The following PPFIA1 variants were observed in gnomAD, a reference collection of about 807,000 sequenced individuals.
The protein encoded by PPFIA1 is PPFI scaffold protein A1.
In PPFIA1, 25 loss-of-function variants were observed where a neutral mutation model predicts 149.9. The observed-to-expected ratio is 0.17, with a 90% CI of 0.12 to 0.23. The LOEUF (loss-of-function observed/expected upper bound fraction) is 0.23, where lower values mean the gene tolerates loss of function less well. Ranked by LOEUF, PPFIA1 falls within the 10% of genes least tolerant of loss-of-function variation. PPFIA1 has a pLI of 1.00. For missense variants in PPFIA1, 1,362 were observed against 1,506.5 expected (o/e 0.90, Z 1.59); for synonymous variants, 549 against 552.8 (o/e 0.99, Z 0.10).
intron 2 of PPFIA1, among the ~76,000 whole-genome samples, chr11:70,283,153 CTTT>C (rs556952303): frequency 1.4e-5 from 2 of 142,470 alleles, no homozygotes; most frequent in African/African-American, 2.6e-5. Context: ...TGACCGAGTG[CTTT>C]TTTTTTTTTT....
At chr11:70,360,417 C>T (rs983178106) in intron 19 of PPFIA1, among the ~76,000 whole-genome samples, 1 of 152,220 alleles carries the variant, frequency 6.6e-6, no homozygotes, top group Non-Finnish European at 1.5e-5. Flanking sequence ...AGTTGGGAAC[C>T]CTCCTGACTT....
At chr11:70,349,923 C>T (rs2055947740) in intron 16 of PPFIA1, 2 of 455,718 alleles carry the variant, frequency 4.4e-6, no homozygotes, top group Non-Finnish European at 4.4e-6. Context: ...ATTATTTTAG[C>T]CATCTCCAGA....
chr11:70,325,543 T>C lies in PPFIA1; in HGVS notation c.575T>C (p.Leu192Ser). 1 of 1,593,422 alleles carries C rather than the reference T, an allele frequency of 6.3e-7. No individual in the cohort carries two copies. Among genetic ancestry groups the C allele is most frequent in the Non-Finnish European group, 8.6e-7 (1 of 1,161,480 alleles). The change falls in exon 5 of 28, where the codon TTA becomes TCA. Residue 192 changes from leucine to serine, a missense_variant. Around this residue, in one of 7 missense-constraint regions of PPFIA1, gnomAD observed 79 missense variants for 146.2 expected, o/e 0.54. Coordinates refer to ENST00000253925, the MANE Select transcript of PPFIA1 (RefSeq NM_003626.5). ...LRVALERCSL[L>S]EEELGATHKE... ...GTAGCACTTGAAAGATGTAGTTTGT[T>C]AGAAGAGGAATTAGGTGCCACACAC...
At chr11:70,342,369 G>A (rs1273153093) in intron 14 of PPFIA1, among the ~76,000 whole-genome samples, 6 of 152,140 alleles carry the variant, frequency 3.9e-5, no homozygotes, top group African/African-American at 1.4e-4. Flanking sequence ...TGGGAGAGGA[G>A]GTGTTGGGGG....
At chr11:70,275,282 G>A (rs2050317936) in intron 2 of PPFIA1, among the ~76,000 whole-genome samples, 1 of 152,172 alleles carries the variant, frequency 6.6e-6, no homozygotes, top group Non-Finnish European at 1.5e-5. Context: ...CCCATCTGTT[G>A]ATTGGGTTGT....
At chr11:70,354,166 C>G (rs2056229728) in intron 16 of PPFIA1, 135 bp from the exon 17 acceptor site, 2 of 930,578 alleles carry the variant, frequency 2.1e-6, no homozygotes, top group African/African-American at 3.3e-5. Context: ...AGAATGGTGC[C>G]AGACTGAAAC....
intron 26 of PPFIA1, among the ~76,000 whole-genome samples, chr11:70,380,146 G>A (rs1019860597): frequency 6.6e-6 from 1 of 152,168 alleles, no homozygotes; most frequent in African/African-American, 2.4e-5. Flanking sequence ...GGTGGCTCAC[G>A]CCTGTAATCC....
At chr11:70,328,010 G>A (rs1160427075) in intron 7 of PPFIA1, among the ~76,000 whole-genome samples, 1 of 152,216 alleles carries the variant, frequency 6.6e-6, no homozygotes, top group Non-Finnish European at 1.5e-5. Flanking sequence ...GCTACAGCAG[G>A]AGATTATGTG....
In PPFIA1 at chr11:70,378,054, G is replaced by C; in HGVS notation, c.3409G>C (p.Ala1137Pro). 6.2e-7 allele frequency: 1 copy of C among 1,612,722 alleles called. No homozygotes were observed. Among genetic ancestry groups the C allele is most frequent in the Non-Finnish European group, 8.5e-7 (1 of 1,179,198 alleles). Residue 1137 changes from alanine (A) to proline (P), a missense_variant, in exon 26 of 28, where the codon GCA (alanine) becomes CCA (proline). Coordinates refer to ENST00000253925, the MANE Select transcript of PPFIA1 (RefSeq NM_003626.5). ...DEDDDKSFRRAPSWRKKFRPK... is the reference protein window; with the variant it reads ...DEDDDKSFRRPPSWRKKFRPK... Reference sequence around the variant, plus strand: ...GGATGATGATAAAAGCTTTAGGAGAGCACCTTCATGGAGAAAAAAGTTTAG... The same window carrying C: ...GGATGATGATAAAAGCTTTAGGAGACCACCTTCATGGAGAAAAAAGTTTAG...
intron 11 of PPFIA1, 86 bp downstream of exon 11, chr11:70,335,780 A>C: frequency 6.8e-7 from 1 of 1,475,656 alleles, no homozygotes; most frequent in Non-Finnish European, 9.3e-7. Context: ...CGTGTGTAAC[A>C]GTGGTTAGCA....
intron 26 of PPFIA1, among the ~76,000 whole-genome samples, chr11:70,379,196 A>C (rs2057604659): frequency 6.6e-6 from 1 of 152,146 alleles, no homozygotes; most frequent in East Asian, 1.9e-4. Flanking sequence ...CAGTGAGCAG[A>C]CTGGAGGAAA....
intron 21 of PPFIA1, among the ~76,000 whole-genome samples, chr11:70,363,616 C>T (rs1330906043): frequency 2.6e-5 from 4 of 152,138 alleles, no homozygotes; most frequent in Non-Finnish European, 2.9e-5. Context: ...TGGGCTCAAG[C>T]GATCCTCCCA....
intron 2 of PPFIA1, among the ~76,000 whole-genome samples, chr11:70,309,218 G>T (rs1018005566): frequency 2.6e-5 from 4 of 151,664 alleles, no homozygotes; most frequent in Non-Finnish European, 1.5e-5. Flanking sequence ...CACCCAGGCT[G>T]GAGTGCAGTG....
chr11:70,295,380 G>A (rs2051863815), intron 2 of PPFIA1, among the ~76,000 whole-genome samples: 1 of 143,314 alleles, frequency 7.0e-6, no homozygotes, highest in Non-Finnish European at 1.5e-5. Flanking sequence ...CGGGCGGGGG[G>A]CTGACCCCCC....
At chr11:70,312,077 A>G (rs573730856) in intron 2 of PPFIA1, among the ~76,000 whole-genome samples, 12 of 151,820 alleles carry the variant, frequency 7.9e-5, no homozygotes, top group African/African-American at 2.7e-4. Flanking sequence ...TCCTGGGCTC[A>G]AGTGATCCTG....
intron 26 of PPFIA1, 112 bp from the exon 27 acceptor site, chr11:70,381,976 C>T (rs759769812): frequency 6.4e-5 from 57 of 889,982 alleles, no homozygotes; most frequent in Admixed American, 8.2e-5. Flanking sequence ...CAGGTCCCTC[C>T]GTAGGCACTG....
intron 2 of PPFIA1, among the ~76,000 whole-genome samples, chr11:70,309,288 G>T (rs2053096966): frequency 6.6e-6 from 1 of 152,072 alleles, no homozygotes; most frequent in South Asian, 2.1e-4. Flanking sequence ...TCCTGCCTCA[G>T]CCTCCCGAGT....
chr11:70,363,307 C>G (rs888448278), intron 21 of PPFIA1: 1 of 152,248 alleles, frequency 6.6e-6, no homozygotes, highest in Non-Finnish European at 1.5e-5. Flanking sequence ...GTGCCATAGA[C>G]TGCTCTGTTA....
At chr11:70,277,061 T>TATTATAATATATATATATATATATATA (rs397734412) in intron 2 of PPFIA1, among the ~76,000 whole-genome samples, 1 of 14,676 alleles carries the variant, frequency 6.8e-5, no homozygotes, top group Non-Finnish European at 1.3e-4. Context: ...TATATATATA[T>TATTATAATATATATATATATATATATA]TTTTTTTTTT....
Sources: allele counts gnomAD v4.1 joint callset (sites outside exome capture counted in the v4.1 genomes callset), GRCh38; gene constraint gnomAD v4.1.1; regional missense constraint gnomAD v4.1.1; transcripts MANE v1.5; gene names NCBI Gene and HGNC (gene_info 2026-07-23, HGNC 2026-07-21).